Variants in JAM3 observed in about 807,000 individuals in gnomAD.
JAM3 encodes the protein junctional adhesion molecule 3.
In JAM3, 31 loss-of-function variants were observed where a neutral mutation model predicts 39.4. The ratio of observed to expected loss-of-function variants is 0.79; its 90% CI spans 0.59 to 1.06. The LOEUF is 1.06. JAM3 is among the 50% of genes least tolerant of loss of function. The pLI, the probability that JAM3 is intolerant of heterozygous loss-of-function variation, is 0.00. For synonymous variants in JAM3, 182 were observed against 148.7 expected, an observed-to-expected ratio of 1.22 and a Z score of -1.63; for missense variants, 455 against 391.4, an observed-to-expected ratio of 1.16 and a Z score of -1.37.
chr11:134,122,592 A>G (rs1307063625), intron 1 of JAM3, among the ~76,000 whole-genome samples: 1 of 152,194 alleles, frequency 6.6e-6, no homozygotes, highest in African/African-American at 2.4e-5. Flanking sequence ...GCCTGTGGAC[A>G]CATACTCACT....
chr11:134,106,327 A>G (rs1180733510), intron 1 of JAM3, among the ~76,000 whole-genome samples: 2 of 151,984 alleles, frequency 1.3e-5, no homozygotes, highest in African/African-American at 2.4e-5. Flanking sequence ...CCTTCCTTAC[A>G]CCTTATACAA....
Position 134,095,798 on chromosome 11 carries a change from A to C in JAM3, c.76+26639A>C, listed in dbSNP as rs1389892982. Among the ~76,000 whole-genome samples, 3 of 152,218 alleles carry C rather than the reference A, an allele frequency of 2.0e-5. No homozygotes were observed. In the East Asian group the frequency reaches 5.8e-4, roughly 29 times the overall value. On this transcript the variant is annotated intron_variant, in intron 1 of 8. Transcript: ENST00000299106. ...GCTACTTTTTCGCCATCTTAGGAAG[A>C]AACTGAGTATACCAGACATCTTAAA...
intron 1 of JAM3, among the ~76,000 whole-genome samples, chr11:134,109,910 G>C (rs538854451): frequency 2.0e-5 from 3 of 152,202 alleles, no homozygotes; most frequent in African/African-American, 7.2e-5. Flanking sequence ...GCTTCTTGTA[G>C]GACACAGCTT....
intron 1 of JAM3, among the ~76,000 whole-genome samples, chr11:134,111,186 C>T (rs1942302622): frequency 1.4e-5 from 2 of 139,462 alleles, no homozygotes; most frequent in Non-Finnish European, 3.0e-5. Flanking sequence ...CTCTGTCGCC[C>T]AGGCTCGAGT....
intron 1 of JAM3, among the ~76,000 whole-genome samples, chr11:134,103,734 C>A (rs1442620129): frequency 6.6e-6 from 1 of 152,104 alleles, no homozygotes; most frequent in African/African-American, 2.4e-5. Flanking sequence ...ATAAAACAGA[C>A]TTTAAACCAA....
chr11:134,076,303 C>T (rs980627214), intron 1 of JAM3, among the ~76,000 whole-genome samples: 18 of 151,408 alleles, frequency 1.2e-4, no homozygotes, highest in Admixed American at 1.1e-3. Flanking sequence ...TACAGGCGGC[C>T]GCCACCACGC....
intron 1 of JAM3, among the ~76,000 whole-genome samples, chr11:134,077,442 C>T (rs1468433578): frequency 6.6e-6 from 1 of 151,326 alleles, no homozygotes; most frequent in Non-Finnish European, 1.5e-5. Flanking sequence ...CGGCTCACTG[C>T]AACCTCCGCC....
chr11:134,136,880 G>A (rs940387778), intron 1 of JAM3, among the ~76,000 whole-genome samples: 13 of 152,140 alleles, frequency 8.5e-5, no homozygotes, highest in Non-Finnish European at 1.2e-4. Context: ...TTGGGAGGCC[G>A]AGGCGGACGG....
intron 1 of JAM3, among the ~76,000 whole-genome samples, chr11:134,095,247 G>A (rs1386639895): frequency 6.6e-6 from 1 of 152,140 alleles, no homozygotes; most frequent in Admixed American, 6.5e-5. Context: ...ACACCTGTTA[G>A]GAATACCTTC....
intron 1 of JAM3, among the ~76,000 whole-genome samples, chr11:134,090,408 A>G (rs1941826096): frequency 6.6e-6 from 1 of 152,082 alleles, no homozygotes; most frequent in Non-Finnish European, 1.5e-5. Context: ...GGTATTGCCT[A>G]GGTTTTCTTC....
At chr11:134,112,280 G>T (rs1356654841) in intron 1 of JAM3, among the ~76,000 whole-genome samples, 1 of 152,124 alleles carries the variant, frequency 6.6e-6, no homozygotes, top group East Asian at 1.9e-4. Flanking sequence ...TAGAGACGGG[G>T]TTTAACCATG....
intron 1 of JAM3, among the ~76,000 whole-genome samples, chr11:134,079,293 G>A (rs1034143393): frequency 1.3e-5 from 2 of 152,122 alleles, no homozygotes; most frequent in Admixed American, 1.3e-4. Context: ...TTCCACACTA[G>A]ACAGCCACCT....
intron 1 of JAM3, among the ~76,000 whole-genome samples, chr11:134,085,236 A>G (rs996479880): frequency 5.3e-5 from 8 of 152,232 alleles, no homozygotes; most frequent in Non-Finnish European, 8.8e-5. Flanking sequence ...CAGATTTAAC[A>G]GTGGTCCTTA....
chr11:134,081,231 C>T (rs914962120), intron 1 of JAM3, among the ~76,000 whole-genome samples: 1 of 152,056 alleles, frequency 6.6e-6, no homozygotes, highest in South Asian at 2.1e-4. Context: ...TCTTGTTTTC[C>T]GAAGAGAAAT....
chr11:134,101,662 G>A lies in JAM3; in HGVS notation c.76+32503G>A, dbSNP rs185415291. Among the ~76,000 whole-genome samples the A allele has an allele frequency of 3.4e-3, 519 of 152,300 alleles. 1 individual carries two copies. The highest frequency in any genetic ancestry group is 0.014 in the Middle Eastern group (4 of 294). On this transcript the variant is annotated intron_variant, in intron 1 of 8. Transcript: ENST00000299106. The stretch of plus-strand genomic sequence containing the variant: ...TTGGTATAATACTCTACTACCACAA[G>A]TATTGCCTTTTATCATCTTAAAAAC...
chr11:134,149,529 C>T lies in JAM3; in HGVS notation c.*348C>T. 1 of 502,870 alleles carries T rather than the reference C, an allele frequency of 2.0e-6. No homozygotes were observed. Among genetic ancestry groups the T allele is most frequent in the Non-Finnish European group, 3.8e-6 (1 of 259,854 alleles). 31.2% of individuals were successfully genotyped at this position (502,870 alleles called of 1,614,324 possible). A position where few individuals can be genotyped will look rare whatever the true frequency, so the allele number is the denominator to read the frequency against. On this transcript the variant is annotated 3_prime_UTR_variant, in exon 9 of 9. Coordinates refer to ENST00000299106, the MANE Select transcript of JAM3 (RefSeq NM_032801.5). ...CCCGTGCTGGGCCCTGTGAAGCCAG[C>T]ATGTTCACCACTGGTCGTTCAGCAG...
chr11:134,109,815 A>G (rs1942276587), intron 1 of JAM3, among the ~76,000 whole-genome samples: 1 of 152,242 alleles, frequency 6.6e-6, no homozygotes, highest in African/African-American at 2.4e-5. Flanking sequence ...ACTTTACATA[A>G]GATAAGGTGA....
At chr11:134,146,160 C>T in intron 6 of JAM3, 115 bp downstream of exon 6, 1 of 781,318 alleles carries the variant, frequency 1.3e-6, no homozygotes, top group Non-Finnish European at 2.2e-6. Context: ...TAGCTTTCTT[C>T]TGGAGCTGCC....
At chr11:134,136,753 C>G (rs187455655) in intron 1 of JAM3, among the ~76,000 whole-genome samples, 4,375 of 152,166 alleles carry the variant, frequency 0.029, 214 homozygotes, top group African/African-American at 0.099. Context: ...AAATAAAATA[C>G]AAAGCTGCTT....
Sources: gnomAD v4.1 joint callset for allele counts (sites outside exome capture counted in the v4.1 genomes callset) on GRCh38, gnomAD v4.1.1 for gene constraint, MANE v1.5 for transcripts, NCBI Gene and HGNC (gene_info 2026-07-23, HGNC 2026-07-21) for gene names.